Variants in ST3GAL1 observed in about 807,000 individuals in gnomAD.
ST3GAL1 encodes the protein ST3 beta-galactoside alpha-2,3-sialyltransferase 1.
In ST3GAL1, 16 loss-of-function variants were observed where a neutral mutation model predicts 34.1. That is an observed-to-expected ratio of 0.47 (90% CI 0.32 to 0.71). The LOEUF is 0.71. ST3GAL1 is among the 30% of genes least tolerant of loss of function. ST3GAL1 has a pLI of 0.04. For synonymous variants in ST3GAL1, 191 were observed against 184.7 expected (o/e 1.03, Z -0.28); for missense variants, 353 against 447.4 (o/e 0.79, Z 1.90).
At chr8:133,550,680 G>T (rs1818813474) in intron 1 of ST3GAL1, among the ~76,000 whole-genome samples, 1 of 152,172 alleles carries the variant, frequency 6.6e-6, no homozygotes, top group Admixed American at 6.5e-5. Context: ...TCGGAAGCAA[G>T]AAAAATGTCT....
Position 133,544,629 on chromosome 8 carries a change from C to T in ST3GAL1, c.-429+1145G>A, listed in dbSNP as rs571646075. Among the ~76,000 whole-genome samples, 41 of 152,292 alleles carry T rather than the reference C, an allele frequency of 2.7e-4. 1 individual carries two copies. Among genetic ancestry groups the T allele is most frequent in the Admixed American group, 2.4e-3 (37 of 15,290 alleles). ...ATTGCTTCTTCCCCTTTAGAGGAGGCCTCACACGGCCCCTGACCTACCTGT... is the reference window on the plus strand; with the variant it reads ...ATTGCTTCTTCCCCTTTAGAGGAGGTCTCACACGGCCCCTGACCTACCTGT... On this transcript the variant is annotated intron_variant, in intron 2 of 9. Transcript: ENST00000522652.
chr8:133,518,250 T>G (rs1330937985), intron 2 of ST3GAL1, among the ~76,000 whole-genome samples: 1 of 152,208 alleles, frequency 6.6e-6, no homozygotes, highest in East Asian at 1.9e-4. Context: ...ACTGTACTGC[T>G]AAGGGAGAGG....
At chr8:133,474,415 T>C (rs2737426) in intron 5 of ST3GAL1, among the ~76,000 whole-genome samples, 2 of 152,078 alleles carry the variant, frequency 1.3e-5, no homozygotes, top group Non-Finnish European at 2.9e-5. Flanking sequence ...AAATAAGACA[T>C]GAACACATAT....
intron 1 of ST3GAL1, among the ~76,000 whole-genome samples, chr8:133,565,407 G>A (rs1819364267): frequency 6.6e-6 from 1 of 152,104 alleles, no homozygotes. Context: ...CTCTCTTCCA[G>A]AGGCTTCTGG....
At chr8:133,491,996 C>T (rs982158426) in intron 3 of ST3GAL1, among the ~76,000 whole-genome samples, 2 of 152,058 alleles carry the variant, frequency 1.3e-5, no homozygotes, top group African/African-American at 2.4e-5. Flanking sequence ...GTGGGAGGAG[C>T]GAAAACATGG....
intron 2 of ST3GAL1, among the ~76,000 whole-genome samples, chr8:133,500,952 C>T (rs914278372): frequency 6.6e-6 from 1 of 152,280 alleles, no homozygotes; most frequent in African/African-American, 2.4e-5. Context: ...GCTGGGAGGG[C>T]ACCAAGAACT....
rs112902632 is a variant in ST3GAL1 at position 133,481,220 on chromosome 8, T to C, written c.-373-4620A>G. The stretch of plus-strand genomic sequence containing the variant: ...CTGTCCTCCTTCAGAGAGGACCGGT[T>C]GTCTCCTGATGAGCAGGTACAGAAG... On this transcript the variant is annotated intron_variant, in intron 3 of 9. Transcript: ENST00000522652. Among the ~76,000 whole-genome samples, 627 of 152,382 alleles carry C rather than the reference T, an allele frequency of 4.1e-3. 4 individuals carry two copies. Among genetic ancestry groups the C allele is most frequent in the African/African-American group, 0.014 (592 of 41,594 alleles).
chr8:133,544,944 G>T (rs1818636444), intron 2 of ST3GAL1, among the ~76,000 whole-genome samples: 1 of 152,106 alleles, frequency 6.6e-6, no homozygotes, highest in Non-Finnish European at 1.5e-5. Context: ...GCCCAAGCTG[G>T]GTTAGAGACC....
intron 1 of ST3GAL1, among the ~76,000 whole-genome samples, chr8:133,564,738 TGA>T (rs796895508): frequency 7.9e-5 from 12 of 152,344 alleles, no homozygotes; most frequent in African/African-American, 2.9e-4. Context: ...TAACATTTGT[TGA>T]GAGACCTTTA....
intron 2 of ST3GAL1, among the ~76,000 whole-genome samples, chr8:133,540,419 C>A (rs1428626272): frequency 6.6e-6 from 1 of 152,130 alleles, no homozygotes; most frequent in Non-Finnish European, 1.5e-5. Flanking sequence ...TGCTTTAGCT[C>A]CAACGGGGAG....
intron 2 of ST3GAL1, among the ~76,000 whole-genome samples, chr8:133,540,970 T>TATATAGAC (rs1818487113): frequency 7.8e-6 from 1 of 128,198 alleles, no homozygotes; most frequent in Non-Finnish European, 1.6e-5. Flanking sequence ...TATATAGACA[T>TATATAGAC]ATATATGCAG....
At chr8:133,529,857 GTC>G (rs1455563999) in intron 2 of ST3GAL1, among the ~76,000 whole-genome samples, 1 of 152,146 alleles carries the variant, frequency 6.6e-6, no homozygotes, top group Admixed American at 6.5e-5. Flanking sequence ...CCTTCCTCAA[GTC>G]TCTGCTCATC....
At chr8:133,493,464 AT>A (rs1347826178) in intron 3 of ST3GAL1, among the ~76,000 whole-genome samples, 1 of 152,160 alleles carries the variant, frequency 6.6e-6, no homozygotes, top group Non-Finnish European at 1.5e-5. Context: ...GAGGGTGCAC[AT>A]GAGTTTGCAT....
chr8:133,549,457 C>T (rs1818776575), intron 1 of ST3GAL1, among the ~76,000 whole-genome samples: 1 of 151,970 alleles, frequency 6.6e-6, no homozygotes, highest in African/African-American at 2.4e-5. Context: ...AAACATGGAG[C>T]CCTGCTCTGA....
chr8:133,537,822 G>A (rs1455052596), intron 2 of ST3GAL1, among the ~76,000 whole-genome samples: 1 of 152,212 alleles, frequency 6.6e-6, no homozygotes, highest in African/African-American at 2.4e-5. Context: ...CGGCTGTCTT[G>A]GATCTTTGAG....
intron 2 of ST3GAL1, among the ~76,000 whole-genome samples, chr8:133,531,763 C>CTA (rs961868621): frequency 1.2e-4 from 17 of 144,110 alleles, no homozygotes; most frequent in Non-Finnish European, 2.1e-4. Flanking sequence ...ACATGTATAC[C>CTA]TATGGAACAC....
intron 1 of ST3GAL1, among the ~76,000 whole-genome samples, chr8:133,568,345 G>T (rs548184116): frequency 6.6e-6 from 1 of 152,326 alleles, no homozygotes; most frequent in East Asian, 1.9e-4. Context: ...CCCGGTCTGG[G>T]CTCCTGTGAC....
At chr8:133,470,524 TATACAATCAGCGCTCAATCTGC>T (rs1815910901) in intron 5 of ST3GAL1, among the ~76,000 whole-genome samples, 3 of 152,208 alleles carry the variant, frequency 2.0e-5, no homozygotes, top group East Asian at 1.9e-4. Flanking sequence ...TTTCCAAGTA[TATACAATCAGCGCTCAATCTGC>T]ATACAATCAG....
intron 2 of ST3GAL1, among the ~76,000 whole-genome samples, chr8:133,527,374 G>A (rs1395747670): frequency 1.3e-5 from 2 of 152,146 alleles, no homozygotes; most frequent in Non-Finnish European, 2.9e-5. Flanking sequence ...GGAGTAAAGG[G>A]GTTGAGGTGG....
Sources: gnomAD v4.1 joint callset for allele counts (sites outside exome capture counted in the v4.1 genomes callset) on GRCh38, gnomAD v4.1.1 for gene constraint, MANE v1.5 for transcripts, NCBI Gene and HGNC (gene_info 2026-07-23, HGNC 2026-07-21) for gene names.